The following EPB41L4A variants were observed in gnomAD, a reference collection of about 807,000 sequenced individuals.
The protein encoded by EPB41L4A is band 4.1-like protein 4A.
A neutral mutation model predicts 108.6 loss-of-function variants in EPB41L4A; 100 were observed. The ratio of observed to expected loss-of-function variants is 0.92; its 90% CI spans 0.78 to 1.09. The LOEUF (loss-of-function observed/expected upper bound fraction) is 1.09. Among genes scored for constraint, EPB41L4A ranks in the 50% least tolerant of loss-of-function variants. The pLI is 0.00. For missense variants in EPB41L4A, 1,030 were observed against 842.7 expected, an observed-to-expected ratio of 1.22 and a Z score of -2.75; for synonymous variants, 319 against 289.0, an observed-to-expected ratio of 1.10 and a Z score of -1.05.
intron 1 of EPB41L4A, among the ~76,000 whole-genome samples, chr5:112,379,606 C>A (rs1760036070): frequency 6.6e-6 from 1 of 152,204 alleles, no homozygotes; most frequent in South Asian, 2.1e-4. Flanking sequence ...CTAATCCCTC[C>A]TGCTTTCTCA....
intron 2 of EPB41L4A, among the ~76,000 whole-genome samples, chr5:112,297,290 T>G (rs1754056456): frequency 6.6e-6 from 1 of 152,172 alleles, no homozygotes; most frequent in African/African-American, 2.4e-5. Flanking sequence ...ATCATATCCA[T>G]GCCAAAATCT....
chr5:112,361,725 T>C (rs896461759), intron 1 of EPB41L4A, among the ~76,000 whole-genome samples: 1 of 148,714 alleles, frequency 6.7e-6, no homozygotes, highest in Non-Finnish European at 1.5e-5. Context: ...ATAATAATAA[T>C]AATAATAATA....
chr5:112,232,519 C>A (rs934479813), intron 12 of EPB41L4A, among the ~76,000 whole-genome samples: 1 of 152,162 alleles, frequency 6.6e-6, no homozygotes, highest in Non-Finnish European at 1.5e-5. Flanking sequence ...TCCAGCCCAA[C>A]AAGAGGAGGG....
intron 13 of EPB41L4A, among the ~76,000 whole-genome samples, chr5:112,209,243 A>G (rs1235405627): frequency 1.3e-5 from 2 of 152,136 alleles, no homozygotes; most frequent in Non-Finnish European, 2.9e-5. Context: ...AAAGCTGCTC[A>G]TTGTTGTTTA....
intron 1 of EPB41L4A, among the ~76,000 whole-genome samples, chr5:112,369,757 G>A (rs984767579): frequency 8.5e-5 from 13 of 152,160 alleles, no homozygotes; most frequent in African/African-American, 3.1e-4. Flanking sequence ...ACCTTCCTGG[G>A]TGATACAAGA....
intron 12 of EPB41L4A, among the ~76,000 whole-genome samples, chr5:112,226,223 A>T (rs2150347047): frequency 6.6e-6 from 1 of 152,344 alleles, no homozygotes; most frequent in Non-Finnish European, 1.5e-5. Flanking sequence ...GGTAGTTTCC[A>T]GTCTCTGTGA....
At chr5:112,157,699 T>C (rs1759698776), downstream of EPB41L4A, among the ~76,000 whole-genome samples, 1 of 152,224 alleles carries the variant, frequency 6.6e-6, no homozygotes, top group African/African-American at 2.4e-5. Context: ...TTCTTCCATT[T>C]TTATCCCCCT....
At chr5:112,319,666 C>T (rs1289195880) in intron 1 of EPB41L4A, among the ~76,000 whole-genome samples, 1 of 152,138 alleles carries the variant, frequency 6.6e-6, no homozygotes, top group African/African-American at 2.4e-5. Context: ...CTATTCTCTT[C>T]AAAAATAGTA....
At chr5:112,254,904 C>T (rs1750963750) in intron 9 of EPB41L4A, among the ~76,000 whole-genome samples, 1 of 152,068 alleles carries the variant, frequency 6.6e-6, no homozygotes. Flanking sequence ...TCTCATATGT[C>T]CTTCACCTTG....
intron 17 of EPB41L4A, among the ~76,000 whole-genome samples, chr5:112,188,636 T>G (rs1406291494): frequency 6.6e-6 from 1 of 152,180 alleles, no homozygotes; most frequent in African/African-American, 2.4e-5. Context: ...CAGAAACCCT[T>G]GCATCTGCAG....
intron 12 of EPB41L4A, among the ~76,000 whole-genome samples, chr5:112,147,634 T>C (rs1245022997): frequency 1.6e-5 from 2 of 128,622 alleles, no homozygotes; most frequent in South Asian, 2.4e-4. Context: ...CGAGACTCTG[T>C]CTCAAGAAAA....
chr5:112,320,650 A>G (rs905332473), intron 1 of EPB41L4A, among the ~76,000 whole-genome samples: 3 of 152,184 alleles, frequency 2.0e-5, no homozygotes, highest in Non-Finnish European at 4.4e-5. Flanking sequence ...AGTATGGACA[A>G]AACAAGCTAC....
intron 1 of EPB41L4A, among the ~76,000 whole-genome samples, chr5:112,309,374 T>C (rs1341015187): frequency 1.5e-4 from 23 of 152,188 alleles, no homozygotes; most frequent in Admixed American, 1.5e-3. Flanking sequence ...TCAGGGACGT[T>C]AAGAACCAGC....
At chr5:112,386,582 T>C (rs1760544699) in intron 1 of EPB41L4A, among the ~76,000 whole-genome samples, 1 of 152,208 alleles carries the variant, frequency 6.6e-6, no homozygotes, top group South Asian at 2.1e-4. Context: ...CAGGCTCTGA[T>C]CTGCAAAAGA....
chr5:112,358,103 C>T (rs1285839493), intron 1 of EPB41L4A, among the ~76,000 whole-genome samples: 1 of 152,242 alleles, frequency 6.6e-6, no homozygotes, highest in Non-Finnish European at 1.5e-5. Context: ...GATCTCCCAA[C>T]AGCAGAAGCC....
Position 112,349,505 on chromosome 5 carries a change from T to TA in EPB41L4A, c.100-42016dup, listed in dbSNP as rs548635161. 2.0e-5 allele frequency among the ~76,000 whole-genome samples: 3 copies of TA among 152,268 alleles called. No individual in the cohort carries two copies. In the East Asian group the frequency reaches 5.8e-4, roughly 29 times the overall value. On this transcript the variant is annotated intron_variant, in intron 1 of 22. Coordinates refer to ENST00000261486, the MANE Select transcript of EPB41L4A (RefSeq NM_022140.5). The stretch of plus-strand genomic sequence containing the variant: ...GAGCTTAAAAGCCTATAACAGCTGC[T>TA]ATAGGGACAAACAGAGAGCTGCCTA...
intron 12 of EPB41L4A, among the ~76,000 whole-genome samples, chr5:112,210,701 G>C (rs1762695486): frequency 6.6e-6 from 1 of 152,050 alleles, no homozygotes; most frequent in African/African-American, 2.4e-5. Context: ...TCCACTCTCA[G>C]GGCAGAGGTA....
At chr5:112,348,242 G>A (rs1242690750) in intron 1 of EPB41L4A, among the ~76,000 whole-genome samples, 1 of 152,058 alleles carries the variant, frequency 6.6e-6, no homozygotes, top group Non-Finnish European at 1.5e-5. Context: ...GAAACCATCT[G>A]CGACACCTCC....
chr5:112,181,971 G>C (rs1761180225), intron 18 of EPB41L4A, among the ~76,000 whole-genome samples: 1 of 152,006 alleles, frequency 6.6e-6, no homozygotes, highest in South Asian at 2.1e-4. Context: ...TACTCAGGAG[G>C]CTGAGGCAGG....
Sources: allele counts gnomAD v4.1 joint callset (sites outside exome capture counted in the v4.1 genomes callset), GRCh38; gene constraint gnomAD v4.1.1; transcripts MANE v1.5; gene names NCBI Gene and HGNC (gene_info 2026-07-23, HGNC 2026-07-21).